Variants in SIK3 observed in about 807,000 individuals in gnomAD.
The protein encoded by SIK3 is SIK family kinase 3.
A neutral mutation model predicts 144.2 loss-of-function variants in SIK3; 28 were observed. That is an observed-to-expected ratio of 0.19 (90% CI 0.14 to 0.27). The LOEUF (loss-of-function observed/expected upper bound fraction) is 0.27. Among genes scored for constraint, SIK3 ranks in the 10% least tolerant of loss-of-function variants. The pLI is 1.00. For missense variants in SIK3, 1,319 were observed against 1,776.0 expected, an observed-to-expected ratio of 0.74 and a Z score of 4.62; for synonymous variants, 686 against 676.3, an observed-to-expected ratio of 1.01 and a Z score of -0.22.
At chr11:117,033,659 A>C (rs1952363150) in intron 1 of SIK3, among the ~76,000 whole-genome samples, 1 of 149,326 alleles carries the variant, frequency 6.7e-6, no homozygotes, top group Non-Finnish European at 1.5e-5. Context: ...CAGTGAGCAG[A>C]GATTGCGCCA....
intron 1 of SIK3, among the ~76,000 whole-genome samples, chr11:116,961,567 C>A (rs1238903225): frequency 1.3e-5 from 2 of 152,166 alleles, no homozygotes; most frequent in East Asian, 3.8e-4. Context: ...AAAAGATAAA[C>A]TCTCAAAGAA....
chr11:116,908,247 A>T (rs1946154774), intron 4 of SIK3, among the ~76,000 whole-genome samples: 1 of 152,200 alleles, frequency 6.6e-6, no homozygotes, highest in African/African-American at 2.4e-5. Context: ...AGGCCAAGAC[A>T]GGAGGATTGC....
intron 1 of SIK3, among the ~76,000 whole-genome samples, chr11:117,092,243 T>C (rs1200636855): frequency 1.3e-5 from 2 of 152,162 alleles, no homozygotes; most frequent in Non-Finnish European, 2.9e-5. Flanking sequence ...TTCCACTTGT[T>C]TGCTAAGGTA....
At chr11:117,008,567 T>G (rs142322664) in intron 1 of SIK3, among the ~76,000 whole-genome samples, 4 of 152,196 alleles carry the variant, frequency 2.6e-5, no homozygotes, top group Admixed American at 1.3e-4. Flanking sequence ...GGGTACTATA[T>G]GTATATTTGA....
chr11:117,036,012 T>C (rs4938327), intron 1 of SIK3: 384,013 of 1,497,306 alleles, frequency 0.26, 52,995 homozygotes, highest in African/African-American at 0.5. Flanking sequence ...CTCTTCTCCT[T>C]TTCTGGAGAG....
chr11:116,952,598 T>C (rs892639687), intron 3 of SIK3, among the ~76,000 whole-genome samples: 10 of 152,198 alleles, frequency 6.6e-5, no homozygotes, highest in Admixed American at 1.3e-4. Flanking sequence ...TAAATTTCCA[T>C]ATAACCATGC....
At chr11:116,968,140 GT>G (rs999143157) in intron 1 of SIK3, among the ~76,000 whole-genome samples, 3 of 151,830 alleles carry the variant, frequency 2.0e-5, no homozygotes, top group Non-Finnish European at 2.9e-5. Flanking sequence ...AAATTTCTGG[GT>G]TTTTTTGTTT....
chr11:116,979,482 C>T (rs1022513532), intron 1 of SIK3, among the ~76,000 whole-genome samples: 2 of 151,972 alleles, frequency 1.3e-5, no homozygotes, highest in African/African-American at 4.8e-5. Flanking sequence ...GGATCTATAA[C>T]ATATATGCAA....
intron 1 of SIK3, among the ~76,000 whole-genome samples, chr11:116,961,320 G>A (rs1446054321): frequency 6.6e-6 from 1 of 152,244 alleles, no homozygotes; most frequent in Non-Finnish European, 1.5e-5. Context: ...AAACTGGAAA[G>A]TGGGAGTTTT....
intron 1 of SIK3, among the ~76,000 whole-genome samples, chr11:116,997,285 A>T (rs1222457450): frequency 6.6e-6 from 1 of 152,230 alleles, no homozygotes; most frequent in African/African-American, 2.4e-5. Flanking sequence ...CAGCCAGCCC[A>T]TATGGGTCTA....
chr11:116,942,582 T>G (rs1425488125), intron 3 of SIK3, among the ~76,000 whole-genome samples: 1 of 152,174 alleles, frequency 6.6e-6, no homozygotes, highest in East Asian at 1.9e-4. Context: ...TTAGACAGCA[T>G]GGTGAGCAAA....
At chr11:116,876,223 C>A (rs1489321013) in intron 8 of SIK3, 30 bp downstream of exon 8, 1 of 1,591,632 alleles carries the variant, frequency 6.3e-7, no homozygotes, top group Non-Finnish European at 8.6e-7. Context: ...CTGCTACATC[C>A]CACTTTGTTC....
At chr11:116,877,452 C>T (rs773923370) in intron 6 of SIK3, among the ~76,000 whole-genome samples, 2 of 152,204 alleles carry the variant, frequency 1.3e-5, no homozygotes, top group African/African-American at 2.4e-5. Context: ...TACCACCACG[C>T]GCATACTAAT....
Position 116,900,510 on chromosome 11 carries a change from C to T in SIK3, c.617-3193G>A, listed in dbSNP as rs117640781. Among the ~76,000 whole-genome samples, 1,444 of 152,304 alleles carry T rather than the reference C, an allele frequency of 9.5e-3. 14 individuals are homozygous for T. Among genetic ancestry groups the T allele is most frequent in the Non-Finnish European group, 0.016 (1,085 of 68,024 alleles). ...ACATGGGCTGCCTCCCTTCTACTTACAGAAGAGTCTTCATCTCAGCATTGT... is the reference window on the plus strand; with the variant it reads ...ACATGGGCTGCCTCCCTTCTACTTATAGAAGAGTCTTCATCTCAGCATTGT... On this transcript the variant is annotated intron_variant, in intron 4 of 24. Transcript: ENST00000445177.
chr11:116,970,986 CATATGATA>C (rs1317015967), intron 1 of SIK3, among the ~76,000 whole-genome samples: 2 of 152,108 alleles, frequency 1.3e-5, no homozygotes, highest in Non-Finnish European at 1.5e-5. Flanking sequence ...AATGTAGGAC[CATATGATA>C]ATAAGCAGAA....
Position 116,862,194 on chromosome 11 carries a change from G to T in SIK3, c.2229+8C>A. On this transcript the variant is annotated splice_region_variant and intron_variant, in intron 17 of 24. Transcript: ENST00000445177. ...ACAAGTTGGAGAAAGCAAAGAGTGAGGGCCTACTTGAATTTGTTGCTGGAG... is the reference window on the plus strand; with the variant it reads ...ACAAGTTGGAGAAAGCAAAGAGTGATGGCCTACTTGAATTTGTTGCTGGAG... 5.0e-6 allele frequency: 8 copies of T among 1,614,190 alleles called. No homozygotes were observed. Among genetic ancestry groups the T allele is most frequent in the Non-Finnish European group, 6.8e-6 (8 of 1,180,034 alleles).
chr11:116,975,068 A>T (rs992067763), intron 1 of SIK3, among the ~76,000 whole-genome samples: 1 of 152,088 alleles, frequency 6.6e-6, no homozygotes, highest in Non-Finnish European at 1.5e-5. Context: ...AGATTTTTTT[A>T]AAAATTGACA....
intron 1 of SIK3, among the ~76,000 whole-genome samples, chr11:117,031,886 T>C (rs1039686159): frequency 6.6e-6 from 1 of 152,004 alleles, no homozygotes; most frequent in Non-Finnish European, 1.5e-5. Context: ...AATTAAATGA[T>C]GGTGAATGTT....
intron 1 of SIK3, among the ~76,000 whole-genome samples, chr11:116,985,975 A>G (rs1050208528): frequency 6.6e-6 from 1 of 152,154 alleles, no homozygotes. Flanking sequence ...AGGTCACACA[A>G]CCAGATCTGG....
Sources: allele counts gnomAD v4.1 joint callset (sites outside exome capture counted in the v4.1 genomes callset), GRCh38; gene constraint gnomAD v4.1.1; transcripts MANE v1.5; gene names NCBI Gene and HGNC (gene_info 2026-07-23, HGNC 2026-07-21).